GPC6: variants seen among roughly 807,000 people sequenced by gnomAD.
GPC6 encodes glypican 6, also known as glypican-6.
In GPC6, 14 loss-of-function variants were observed where a neutral mutation model predicts 55.2. That is an observed-to-expected ratio of 0.25 (90% CI 0.17 to 0.40). GPC6 has a LOEUF of 0.40. Ranked by LOEUF, GPC6 falls within the 10% of genes least tolerant of loss-of-function variation. GPC6 has a pLI of 1.00. For missense variants in GPC6, 641 were observed against 708.5 expected (o/e 0.90, Z 1.08); for synonymous variants, 278 against 259.6 (o/e 1.07, Z -0.68).
intron 2 of GPC6, among the ~76,000 whole-genome samples, chr13:93,701,401 A>G (rs181013278): frequency 3.3e-5 from 5 of 152,164 alleles, no homozygotes; most frequent in Non-Finnish European, 4.4e-5. Context: ...CTTTATTGCT[A>G]AAAATGCTAA....
At chr13:93,370,734 G>C (rs1294980284) in intron 1 of GPC6, among the ~76,000 whole-genome samples, 1 of 152,082 alleles carries the variant, frequency 6.6e-6, no homozygotes, top group Non-Finnish European at 1.5e-5. Flanking sequence ...GATTTAAATA[G>C]TCAAACCTGG....
intron 4 of GPC6, among the ~76,000 whole-genome samples, chr13:94,265,161 G>A (rs1891761567): frequency 6.6e-6 from 1 of 152,084 alleles, no homozygotes; most frequent in Non-Finnish European, 1.5e-5. Context: ...TTAGATAACT[G>A]GCGTGTAATA....
chr13:93,458,409 T>C (rs1878552283), intron 1 of GPC6, among the ~76,000 whole-genome samples: 2 of 152,142 alleles, frequency 1.3e-5, no homozygotes, highest in African/African-American at 4.8e-5. Context: ...TTACCTTCCC[T>C]GCACTTTATG....
chr13:94,288,952 T>TAG (rs754236057), intron 5 of GPC6, among the ~76,000 whole-genome samples: 787 of 30,430 alleles, frequency 0.026, 15 homozygotes, highest in Middle Eastern at 0.047. Flanking sequence ...GATAGATAGA[T>TAG]ATATAGATAG....
intron 4 of GPC6, among the ~76,000 whole-genome samples, chr13:94,104,017 G>A (rs1234171187): frequency 1.3e-5 from 2 of 152,158 alleles, no homozygotes; most frequent in East Asian, 1.9e-4. Context: ...ATGGTTTTAG[G>A]TCTAACAGTT....
At chr13:93,278,437 G>C (rs916306094) in intron 1 of GPC6, among the ~76,000 whole-genome samples, 1 of 151,848 alleles carries the variant, frequency 6.6e-6, no homozygotes, top group Non-Finnish European at 1.5e-5. Flanking sequence ...CCTTTTTCTT[G>C]CATCCAGCCC....
chr13:94,327,351 T>G (rs1039750926), intron 6 of GPC6, among the ~76,000 whole-genome samples: 4 of 152,178 alleles, frequency 2.6e-5, no homozygotes, highest in African/African-American at 9.6e-5. Flanking sequence ...TGTTTTTCTC[T>G]TCTCCCTTTT....
At chr13:93,685,364 C>T (rs1374032108) in intron 2 of GPC6, among the ~76,000 whole-genome samples, 2 of 152,232 alleles carry the variant, frequency 1.3e-5, no homozygotes, top group East Asian at 1.9e-4. Context: ...TGCCTTATAT[C>T]CGGGGCCATG....
At chr13:93,260,631 A>G (rs1877112432) in intron 1 of GPC6, among the ~76,000 whole-genome samples, 2 of 152,110 alleles carry the variant, frequency 1.3e-5, no homozygotes, top group Admixed American at 6.6e-5. Context: ...TACAGGACAC[A>G]CTGCCGAAGC....
intron 1 of GPC6, among the ~76,000 whole-genome samples, chr13:93,353,620 T>C (rs993256870): frequency 6.6e-5 from 10 of 152,236 alleles, no homozygotes; most frequent in African/African-American, 2.2e-4. Flanking sequence ...TTTATGATAG[T>C]ATATTACTTG....
intron 2 of GPC6, among the ~76,000 whole-genome samples, chr13:93,710,704 A>G (rs1043356492): frequency 1.4e-5 from 2 of 143,500 alleles, no homozygotes; most frequent in African/African-American, 5.1e-5. Flanking sequence ...CCCCCAAAAA[A>G]AATATGGTCT....
intron 6 of GPC6, among the ~76,000 whole-genome samples, chr13:94,308,185 TC>T (rs1421373257): frequency 6.6e-6 from 1 of 152,146 alleles, no homozygotes; most frequent in African/African-American, 2.4e-5. Context: ...TTTTCCTTCA[TC>T]CCCGGGAGAA....
At chr13:93,424,507 C>G (rs1024578995) in intron 1 of GPC6, among the ~76,000 whole-genome samples, 4 of 152,126 alleles carry the variant, frequency 2.6e-5, no homozygotes, top group African/African-American at 9.7e-5. Context: ...ACCACACCTA[C>G]TACGCAGTGC....
chr13:93,963,355 T>C (rs576423694), intron 3 of GPC6, among the ~76,000 whole-genome samples: 6 of 152,142 alleles, frequency 3.9e-5, no homozygotes, highest in Admixed American at 2.0e-4. Context: ...AAAATAGAAG[T>C]GTACAATGAT....
chr13:93,707,186 T>A (rs1017665103), intron 2 of GPC6, among the ~76,000 whole-genome samples: 1 of 151,710 alleles, frequency 6.6e-6, no homozygotes, highest in Non-Finnish European at 1.5e-5. Flanking sequence ...TGCTAAATAA[T>A]TAGAACACAT....
At chr13:93,844,105 C>T (rs1407462780) in intron 3 of GPC6, among the ~76,000 whole-genome samples, 1 of 152,066 alleles carries the variant, frequency 6.6e-6, no homozygotes, top group South Asian at 2.1e-4. Flanking sequence ...TGCAAAGTCT[C>T]CTTTAAGCTT....
rs1876030010 is a variant in GPC6 at position 93,231,380 on chromosome 13, C to CATATATATATATATGTATATATATATAT, written c.160+3778_160+3779insGTATATATATATATATATATATATATAT. ...ATATACGTATATATATATATATATA[C>CATATATATATATATGTATATATATATAT]ATATATATATATATATGTATATATA... On this transcript the variant is annotated intron_variant, in intron 1 of 8. Transcript: ENST00000377047. 3.2e-4 allele frequency among the ~76,000 whole-genome samples: 10 copies of CATATATATATATATGTATATATATATAT among 30,934 alleles called. 1 individual carries two copies. Among genetic ancestry groups the CATATATATATATATGTATATATATATAT allele is most frequent in the Non-Finnish European group, 4.2e-4 (7 of 16,588 alleles). The allele number at this position is 30,934 out of a possible 152,430, so 20.3% of individuals were successfully genotyped here.
chr13:93,730,051 G>T (rs185242941), intron 2 of GPC6, among the ~76,000 whole-genome samples: 1 of 152,206 alleles, frequency 6.6e-6, no homozygotes, highest in African/African-American at 2.4e-5. Context: ...TTCTTGCCCT[G>T]GGTGCTGGTC....
At chr13:93,750,868 C>A (rs1370623741) in intron 2 of GPC6, among the ~76,000 whole-genome samples, 3 of 152,144 alleles carry the variant, frequency 2.0e-5, no homozygotes, top group Non-Finnish European at 2.9e-5. Context: ...GCGAGTCCAA[C>A]AGAAGTTGAG....
Sources: allele counts gnomAD v4.1 joint callset (sites outside exome capture counted in the v4.1 genomes callset), GRCh38; gene constraint gnomAD v4.1.1; transcripts MANE v1.5; gene names NCBI Gene and HGNC (gene_info 2026-07-23, HGNC 2026-07-21).